Variants in GABRG3 observed in about 807,000 individuals in gnomAD.
GABRG3 encodes the protein gamma-aminobutyric acid receptor subunit gamma-3.
In GABRG3, 25 loss-of-function variants were observed where a neutral mutation model predicts 48.8. That is an observed-to-expected ratio of 0.51 (90% CI 0.37 to 0.72). The LOEUF (loss-of-function observed/expected upper bound fraction) is 0.72. Among genes scored for constraint, GABRG3 ranks in the 30% least tolerant of loss-of-function variants. The probability of loss-of-function intolerance (pLI) is 0.00; values close to 1 mark genes in which losing one functional copy is unlikely to be tolerated. For synonymous variants in GABRG3, 227 were observed against 217.6 expected, an observed-to-expected ratio of 1.04 and a Z score of -0.38; for missense variants, 394 against 577.9, an observed-to-expected ratio of 0.68 and a Z score of 3.26.
chr15:27,287,897 C>T (rs762731574), intron 3 of GABRG3, among the ~76,000 whole-genome samples: 4 of 151,926 alleles, frequency 2.6e-5, no homozygotes, highest in Non-Finnish European at 5.9e-5. Flanking sequence ...CACCACCACA[C>T]CTGGATAATT....
intron 5 of GABRG3, among the ~76,000 whole-genome samples, chr15:27,338,395 T>G (rs1431379428): frequency 1.3e-5 from 2 of 152,116 alleles, no homozygotes; most frequent in Non-Finnish European, 2.9e-5. Context: ...ATACTTGCTA[T>G]GAGGAGATGC....
chr15:27,000,288 T>G (rs865796837), intron 2 of GABRG3, among the ~76,000 whole-genome samples: 2 of 152,226 alleles, frequency 1.3e-5, no homozygotes, highest in Admixed American at 6.5e-5. Context: ...TTTTGGTGTA[T>G]AGTTGAGTTA....
Position 27,040,734 on chromosome 15 carries a change from CT to C in GABRG3, c.270+13914del, listed in dbSNP as rs1156400116. 5.3e-5 allele frequency among the ~76,000 whole-genome samples: 8 copies of C among 152,278 alleles called. No homozygotes were observed. The East Asian group carries it at 1.5e-3, about 29-fold the overall frequency. On this transcript the variant is annotated intron_variant, in intron 3 of 9. Transcript: ENST00000615808. ...AAGTATTAAAATACTGTTTTCCTTT[CT>C]CTTTTCTCTCTTTTTTGGCTGCAAA...
intron 3 of GABRG3, among the ~76,000 whole-genome samples, chr15:27,265,171 A>G (rs1415237878): frequency 1.3e-5 from 2 of 151,654 alleles, no homozygotes; most frequent in African/African-American, 2.4e-5. Flanking sequence ...CAAAAAACCC[A>G]CTCTCCCTAA....
intron 3 of GABRG3, among the ~76,000 whole-genome samples, chr15:27,145,603 C>CTCTA (rs140259026): frequency 0.071 from 7,263 of 102,230 alleles, 326 homozygotes; most frequent in East Asian, 0.24. Context: ...ATATATCTAT[C>CTCTA]TCTATCTATC....
intron 2 of GABRG3, among the ~76,000 whole-genome samples, chr15:27,018,743 A>G (rs913833860): frequency 1.2e-4 from 19 of 152,310 alleles, no homozygotes; most frequent in African/African-American, 3.1e-4. Flanking sequence ...CAGGGCTTCA[A>G]TACTAAGTTA....
At chr15:27,134,747 CCACAGAGGTACTATGCGAT>C (rs1329900043) in intron 3 of GABRG3, among the ~76,000 whole-genome samples, 1 of 152,156 alleles carries the variant, frequency 6.6e-6, no homozygotes, top group Non-Finnish European at 1.5e-5. Flanking sequence ...GTCTTGCCCT[CCACAGAGGTACTATGCGAT>C]CATTGTTGGC....
chr15:27,429,562 G>A (rs1187705767), intron 5 of GABRG3, among the ~76,000 whole-genome samples: 1 of 152,174 alleles, frequency 6.6e-6, no homozygotes, highest in East Asian at 1.9e-4. Flanking sequence ...AATAAGCCCA[G>A]TATACATATT....
At chr15:27,228,415 A>G (rs1354615991) in intron 3 of GABRG3, among the ~76,000 whole-genome samples, 1 of 152,240 alleles carries the variant, frequency 6.6e-6, no homozygotes, top group Non-Finnish European at 1.5e-5. Context: ...TTATGGCTGC[A>G]TAGTATTACA....
At chr15:27,005,942 A>G (rs1293621094) in intron 2 of GABRG3, among the ~76,000 whole-genome samples, 1 of 152,180 alleles carries the variant, frequency 6.6e-6, no homozygotes, top group Non-Finnish European at 1.5e-5. Context: ...ATATATGTTC[A>G]CCAGCAGTGC....
chr15:26,973,657 G>A (rs114526244), intron 1 of GABRG3, among the ~76,000 whole-genome samples: 303 of 152,266 alleles, frequency 2.0e-3, no homozygotes, highest in African/African-American at 7.1e-3. Flanking sequence ...TGACACCCAT[G>A]GGCATCATAA....
At chr15:27,365,831 C>T in intron 5 of GABRG3, 1 of 152,178 alleles carries the variant, frequency 6.6e-6, no homozygotes, top group Middle Eastern at 3.2e-3. Context: ...AAATTCATGT[C>T]TCATGCTGAA....
At chr15:27,297,801 A>G (rs1231943419) in intron 3 of GABRG3, among the ~76,000 whole-genome samples, 1 of 152,178 alleles carries the variant, frequency 6.6e-6, no homozygotes, top group East Asian at 1.9e-4. Flanking sequence ...AGTTTGTAAC[A>G]TATGTAAGTT....
chr15:27,513,622 A>G (rs1010792946), intron 6 of GABRG3, among the ~76,000 whole-genome samples: 2 of 152,186 alleles, frequency 1.3e-5, no homozygotes, highest in Non-Finnish European at 2.9e-5. Flanking sequence ...GTACTCACAA[A>G]CACATAATTA....
chr15:27,226,532 C>A (rs1889622380), intron 3 of GABRG3, among the ~76,000 whole-genome samples: 1 of 152,182 alleles, frequency 6.6e-6, no homozygotes, highest in Middle Eastern at 3.2e-3. Flanking sequence ...AGAGGAGAAC[C>A]CTGCACAGCT....
At chr15:27,171,433 G>A (rs978109831) in intron 3 of GABRG3, among the ~76,000 whole-genome samples, 2 of 151,590 alleles carry the variant, frequency 1.3e-5, no homozygotes, top group African/African-American at 4.8e-5. Flanking sequence ...ACTACATTGA[G>A]TCACTTGGAA....
At chr15:27,297,314 T>C (rs1892027667) in intron 3 of GABRG3, among the ~76,000 whole-genome samples, 1 of 152,118 alleles carries the variant, frequency 6.6e-6, no homozygotes, top group Non-Finnish European at 1.5e-5. Flanking sequence ...AAGTGTACAG[T>C]GTTTCTAAAG....
intron 3 of GABRG3, among the ~76,000 whole-genome samples, chr15:27,070,169 C>G (rs1307038425): frequency 1.3e-5 from 2 of 152,252 alleles, no homozygotes; most frequent in Admixed American, 6.5e-5. Flanking sequence ...GTCATCTTGT[C>G]TGCAAAACAA....
chr15:27,297,571 A>C (rs1892039223), intron 3 of GABRG3, among the ~76,000 whole-genome samples: 1 of 133,236 alleles, frequency 7.5e-6, no homozygotes, highest in South Asian at 2.2e-4. Context: ...CAAGTTTGTA[A>C]GCTAGGAGCA....
Sources: allele counts gnomAD v4.1 joint callset (sites outside exome capture counted in the v4.1 genomes callset), GRCh38; gene constraint gnomAD v4.1.1; transcripts MANE v1.5; gene names NCBI Gene and HGNC (gene_info 2026-07-23, HGNC 2026-07-21).